The following VPS37D variants were observed in gnomAD, a reference collection of about 807,000 sequenced individuals.
The protein encoded by VPS37D is VPS37D subunit of ESCRT-I.
VPS37D carries 5 observed loss-of-function variants against 22.0 expected under a neutral mutation model. The ratio of observed to expected loss-of-function variants is 0.23; its 90% CI spans 0.12 to 0.48. VPS37D has a LOEUF of 0.48. Among genes scored for constraint, VPS37D ranks in the 20% least tolerant of loss-of-function variants. VPS37D has a pLI of 0.99. For synonymous variants in VPS37D, 174 were observed against 159.3 expected, an observed-to-expected ratio of 1.09 and a Z score of -0.69; for missense variants, 384 against 345.8, an observed-to-expected ratio of 1.11 and a Z score of -0.88.
chr7:73,667,489 G>C (rs1554608865), upstream of VPS37D, among the ~76,000 whole-genome samples: 1 of 152,080 alleles, frequency 6.6e-6, no homozygotes, highest in East Asian at 1.9e-4. Flanking sequence ...CTGAGGCTTG[G>C]GGAGGGCTGC....
In VPS37D at chr7:73,670,082, G is replaced by A. The variant is rs782086934; in HGVS notation, c.373G>A (p.Glu125Lys). The A allele has an allele frequency of 1.6e-5, 25 of 1,551,376 alleles. No individual in the cohort carries two copies. The highest frequency in any genetic ancestry group is 2.2e-5 in the Non-Finnish European group (25 of 1,146,960). ...ALGWLQAELE[E>K]AEQEAEEQME... Reference sequence around the variant, plus strand: ...GGGCTGGCTGCAGGCTGAGCTAGAAGAGGCGGAGCAGGAGGCAGAGGTGAG... The same window carrying A: ...GGGCTGGCTGCAGGCTGAGCTAGAAAAGGCGGAGCAGGAGGCAGAGGTGAG... The change falls in exon 3 of 4, where the codon GAG (glutamate) becomes AAG (lysine). Residue 125 changes from glutamate to lysine, a missense_variant. Physicochemically the swap from Glu to Lys is moderately conservative, Grantham distance 56. Transcript: ENST00000324941.
In VPS37D at chr7:73,671,320, G is replaced by A. The variant is rs1554609753; in HGVS notation, c.700G>A (p.Gly234Ser). The change falls in exon 4 of 4, where the codon GGC (glycine) becomes AGC (serine). Residue 234 changes from glycine to serine, a missense_variant. Coordinates refer to ENST00000324941, the MANE Select transcript of VPS37D (RefSeq NM_001077621.2). Reference protein sequence around the residue: ...PLKGSPGCPLGPAPLLSPRPS... With the variant: ...PLKGSPGCPLSPAPLLSPRPS... ...GAAGGGCTCCCCCGGGTGCCCCCTC[G>A]GCCCGGCCCCCCTGCTGAGCCCTCG... 5.1e-6 allele frequency: 7 copies of A among 1,385,446 alleles called. No homozygotes were observed. The highest frequency in any genetic ancestry group is 5.6e-6 in the Non-Finnish European group (6 of 1,068,056). 85.8% of individuals were successfully genotyped at this position (1,385,446 alleles called of 1,614,324 possible). A position where few individuals can be genotyped will look rare whatever the true frequency, so the allele number is the denominator to read the frequency against.
Position 73,669,581 on chromosome 7 carries a change from C to T in VPS37D, c.301C>T (p.Gln101Ter). 6.3e-7 allele frequency: 1 copy of T among 1,590,360 alleles called. No homozygotes were observed. Reference protein sequence around the residue: ...EVAENCADKLQRLEESMHRWS... With the variant: ...EVAENCADKL ...GGCCGAGAACTGCGCGGACAAGCTG[C>T]AGCGACTGGGTGAGGGCACGTCTGG... The change falls in exon 2 of 4, where the codon CAG becomes TAG. Residue 101 changes from glutamine to a stop codon, truncating the protein, a stop_gained. Coordinates refer to ENST00000324941, the MANE Select transcript of VPS37D (RefSeq NM_001077621.2). LOFTEE classifies it high-confidence loss of function.
rs1282419442 is a variant in VPS37D, at chr7:73,667,893, G to C, written c.-66G>C. 3.1e-5 allele frequency: 17 copies of C among 553,704 alleles called. No individual in the cohort carries two copies. The highest frequency in any genetic ancestry group is 2.9e-4 in the African/African-American group (14 of 48,388). The allele number at this position is 553,704 out of a possible 1,614,324, so 34.3% of individuals were successfully genotyped here. ...GAGCCGGAGCGGAGCGGAGCGGAGC[G>C]GAGCCGGGGCGGAGCGGGCCGAGCG... On this transcript the variant is annotated 5_prime_UTR_variant, in exon 1 of 4. Coordinates refer to ENST00000324941, the MANE Select transcript of VPS37D (RefSeq NM_001077621.2).
intron 1 of VPS37D, 117 bp from the exon 2 acceptor site, chr7:73,669,302 C>T (rs1797450582): frequency 4.5e-6 from 6 of 1,330,570 alleles, no homozygotes. Flanking sequence ...TGAAGGGGTG[C>T]CTGACAGGTG....
Position 73,668,024 on chromosome 7 carries a change from C to T in VPS37D, c.66C>T (p.Leu22=). Residue 22 remains leucine (L), a synonymous_variant, in exon 1 of 4, where the codon CTC becomes CTT. Transcript: ENST00000324941. ...GCAGCCCGGGGCGCTTTGGGATCCT[C>T]AGCACCGGGCAGCTCCGGGACCTGC... ...EPGSPGRFGI[L]STGQLRDLLQ... is the part of the protein sequence containing the mutation. 8.7e-7 allele frequency: 1 copy of T among 1,153,792 alleles called. No individual in the cohort carries two copies. The highest frequency in any genetic ancestry group is 1.1e-6 in the Non-Finnish European group (1 of 928,088). 71.5% of individuals were successfully genotyped at this position (1,153,792 alleles called of 1,614,324 possible).
chr7:73,669,644 C>T (rs1408348434), intron 2 of VPS37D, 54 bp downstream of exon 2: 14 of 1,460,254 alleles, frequency 9.6e-6, no homozygotes, highest in African/African-American at 1.4e-5. Flanking sequence ...GTTGGCCATC[C>T]GGTGGGTTGG....
upstream of VPS37D, among the ~76,000 whole-genome samples, chr7:73,666,647 C>T (rs1218346610): frequency 6.6e-6 from 1 of 152,028 alleles, no homozygotes; most frequent in African/African-American, 2.4e-5. Flanking sequence ...GATTCACCCA[C>T]CTTGGACTCC....
chr7:73,668,232 C>A, intron 1 of VPS37D, 136 bp downstream of exon 1: 1 of 443,448 alleles, frequency 2.3e-6, no homozygotes, highest in Non-Finnish European at 3.1e-6. Flanking sequence ...CGAGTGGGCC[C>A]CGCGGAGCCA....
upstream of VPS37D, among the ~76,000 whole-genome samples, chr7:73,666,186 A>G (rs557240795): frequency 6.6e-6 from 1 of 152,248 alleles, no homozygotes; most frequent in African/African-American, 2.4e-5. Flanking sequence ...GGGAATCACA[A>G]AGCCATCATG....
chr7:73,668,000 C>G lies in VPS37D; in HGVS notation c.42C>G (p.Gly14=), dbSNP rs1554608979. 2 of 1,112,490 alleles carry G rather than the reference C, an allele frequency of 1.8e-6. No individual in the cohort carries two copies. Among genetic ancestry groups the G allele is most frequent in the South Asian group, 7.7e-5 (2 of 25,966 alleles). 68.9% of individuals were successfully genotyped at this position (1,112,490 alleles called of 1,614,324 possible). A position where few individuals can be genotyped will look rare whatever the true frequency, so the allele number is the denominator to read the frequency against. The stretch of plus-strand genomic sequence containing the variant: ...CGGCGCGGGCGGGGCCGGAGCCCGG[C>G]AGCCCGGGGCGCTTTGGGATCCTCA... The part of the protein sequence containing the change: ...ARAARAGPEP[G]SPGRFGILST... The change falls in exon 1 of 4, where the codon GGC becomes GGG. Residue 14 remains glycine, a synonymous_variant. Coordinates refer to ENST00000324941, the MANE Select transcript of VPS37D (RefSeq NM_001077621.2).
upstream of VPS37D, among the ~76,000 whole-genome samples, chr7:73,667,415 G>C (rs1797399044): frequency 6.6e-6 from 1 of 152,152 alleles, no homozygotes; most frequent in South Asian, 2.1e-4. Context: ...ACAGGAGAGA[G>C]CCACCGCGCC....
intron 3 of VPS37D, 22 bp from the exon 4 acceptor site, chr7:73,670,992 C>A: frequency 6.2e-7 from 1 of 1,608,664 alleles, no homozygotes; most frequent in African/African-American, 1.3e-5. Context: ...TCTCCCAAGC[C>A]TTCCCTTCCC....
chr7:73,671,162 C>G lies in VPS37D; in HGVS notation c.542C>G (p.Pro181Arg), dbSNP rs782256084. ...CGGCGTCGGGAGCGTTCTGCCCAGC[C>G]GGCCCCCACCTCGGCTGCTGATCCC... The part of the protein sequence containing the change: ...LLRRRERSAQ[P>R]APTSAADPPK... The change falls in exon 4 of 4, where the codon CCG (proline) becomes CGG (arginine). Residue 181 changes from proline to arginine, a missense_variant. Coordinates refer to ENST00000324941, the MANE Select transcript of VPS37D (RefSeq NM_001077621.2). The G allele has an allele frequency of 6.2e-7, 1 of 1,605,470 alleles. No individual in the cohort carries two copies. The highest frequency in any genetic ancestry group is 1.1e-5 in the South Asian group (1 of 90,660).
Position 73,671,048 on chromosome 7 carries a change from G to A in VPS37D, c.428G>A (p.Ser143Asn). The part of the protein sequence containing the change: ...QMEQLLLGEQ[S>N]LEAFLPAFQR... ...GAGCAGCTGCTGCTCGGGGAGCAAA[G>A]CCTGGAGGCCTTCCTGCCTGCCTTC... The change falls in exon 4 of 4, where the codon AGC becomes AAC. Residue 143 changes from serine to asparagine, a missense_variant. Physicochemically the swap from Ser to Asn is conservative, Grantham distance 46. Transcript: ENST00000324941. 2 of 1,612,502 alleles carry A rather than the reference G, an allele frequency of 1.2e-6. No individual in the cohort carries two copies. The highest frequency in any genetic ancestry group is 1.7e-6 in the Non-Finnish European group (2 of 1,179,746).
Position 73,671,385 on chromosome 7 carries a change from G to A in VPS37D, c.*9G>A, listed in dbSNP as rs915611945. 5 of 1,363,994 alleles carry A rather than the reference G, an allele frequency of 3.7e-6. No individual in the cohort carries two copies. The African/African-American group carries it at 6.2e-5, about 17-fold the overall frequency. 84.5% of individuals were successfully genotyped at this position (1,363,994 alleles called of 1,614,324 possible). ...AGCCCCCCCACCGGTAGGATCCACG[G>A]TGCGGCCCCCCAGTTGGGGGGCCTA... On this transcript the variant is annotated 3_prime_UTR_variant, in exon 4 of 4. Transcript: ENST00000324941.
At position 73,672,028 on chromosome 7, in the gene VPS37D, T is replaced by C. The variant is rs1436360289; in HGVS notation, c.*652T>C. ...CCTGTCTCCTTAGAATGGAAGCTTT[T>C]TGAGGGCAGGTCCTTGTCTTTGTAC... On this transcript the variant is annotated 3_prime_UTR_variant, in exon 4 of 4. Coordinates refer to ENST00000324941, the MANE Select transcript of VPS37D (RefSeq NM_001077621.2). 6.6e-6 allele frequency: 1 copy of C among 152,430 alleles called. No individual in the cohort carries two copies. Among genetic ancestry groups the C allele is most frequent in the Non-Finnish European group, 1.5e-5 (1 of 68,198 alleles). The allele number at this position is 152,430 out of a possible 1,614,324, so 9.4% of individuals were successfully genotyped here.
upstream of VPS37D, among the ~76,000 whole-genome samples, chr7:73,667,584 G>T (rs1428723035): frequency 6.6e-6 from 1 of 152,204 alleles, no homozygotes; most frequent in Non-Finnish European, 1.5e-5. Context: ...TCTGCAAATT[G>T]TAACCGCCCG....
At chr7:73,667,168 G>T (rs1174332400), upstream of VPS37D, among the ~76,000 whole-genome samples, 1 of 151,768 alleles carries the variant, frequency 6.6e-6, no homozygotes, top group Non-Finnish European at 1.5e-5. Flanking sequence ...TAGAGACGGG[G>T]TTTCACCATG....
Sources: allele counts gnomAD v4.1 joint callset (sites outside exome capture counted in the v4.1 genomes callset), GRCh38; gene constraint gnomAD v4.1.1; transcripts MANE v1.5; gene names NCBI Gene and HGNC (gene_info 2026-07-23, HGNC 2026-07-21).